ATP8A2: variants seen among roughly 807,000 people sequenced by gnomAD.
The protein encoded by ATP8A2 is phospholipid-transporting ATPase IB.
ATP8A2 carries 100 observed loss-of-function variants against 165.6 expected under a neutral mutation model. The observed-to-expected ratio is 0.60, with a 90% confidence interval of 0.51 to 0.71. The LOEUF (loss-of-function observed/expected upper bound fraction) is 0.71, where lower values mean the gene tolerates loss of function less well. ATP8A2 is among the 30% of genes least tolerant of loss of function. ATP8A2 has a pLI of 0.00. For missense variants in ATP8A2, 1,227 were observed against 1,479.5 expected, an observed-to-expected ratio of 0.83 and a Z score of 2.80; for synonymous variants, 543 against 548.8, an observed-to-expected ratio of 0.99 and a Z score of 0.15.
chr13:25,835,129 A>ACTGC (rs1442251863), intron 28 of ATP8A2, among the ~76,000 whole-genome samples: 1 of 152,010 alleles, frequency 6.6e-6, no homozygotes, highest in Non-Finnish European at 1.5e-5. Context: ...AAAGAAAAAG[A>ACTGC]CTGCCACGTA....
chr13:25,514,019 A>C (rs550361101), intron 2 of ATP8A2, among the ~76,000 whole-genome samples: 2 of 149,448 alleles, frequency 1.3e-5, no homozygotes, highest in South Asian at 4.3e-4. Flanking sequence ...GGAGAGGGAG[A>C]GGGAGAGGGA....
At chr13:25,637,531 C>T (rs1189286766) in intron 24 of ATP8A2, among the ~76,000 whole-genome samples, 2 of 152,154 alleles carry the variant, frequency 1.3e-5, no homozygotes, top group African/African-American at 2.4e-5. Context: ...AGTCTGAGAT[C>T]GAATTGCAAG....
At chr13:25,632,265 C>T (rs570502916) in intron 24 of ATP8A2, among the ~76,000 whole-genome samples, 13 of 152,136 alleles carry the variant, frequency 8.5e-5, no homozygotes, top group South Asian at 4.2e-4. Flanking sequence ...GGCTTCACCA[C>T]GTAGGCATGA....
intron 6 of ATP8A2, among the ~76,000 whole-genome samples, chr13:25,536,856 A>G (rs2038302032): frequency 6.6e-6 from 1 of 152,150 alleles, no homozygotes; most frequent in South Asian, 2.1e-4. Flanking sequence ...GACCTGTTTT[A>G]TGCCAGGTGC....
chr13:25,561,041 C>T (rs1473384555), intron 15 of ATP8A2, among the ~76,000 whole-genome samples: 2 of 151,932 alleles, frequency 1.3e-5, no homozygotes, highest in East Asian at 2.0e-4. Context: ...CGCCCACCAC[C>T]ACACCCAGCT....
intron 1 of ATP8A2, among the ~76,000 whole-genome samples, chr13:25,383,301 C>A (rs2032922856): frequency 6.6e-6 from 1 of 152,088 alleles, no homozygotes. Context: ...GACGGCGTTT[C>A]ACCATGTTGG....
At chr13:25,731,857 TCCACA>T (rs1346271387) in intron 25 of ATP8A2, among the ~76,000 whole-genome samples, 1 of 152,226 alleles carries the variant, frequency 6.6e-6, no homozygotes, top group African/African-American at 2.4e-5. Flanking sequence ...CTTGCTAACA[TCCACA>T]TTTATTTCAT....
At chr13:25,423,672 A>G (rs759567494) in intron 1 of ATP8A2, among the ~76,000 whole-genome samples, 2 of 152,202 alleles carry the variant, frequency 1.3e-5, no homozygotes, top group Non-Finnish European at 2.9e-5. Flanking sequence ...TTTAATTCTT[A>G]TAATTTGTGT....
rs752056051 is a variant in ATP8A2, at chr13:25,555,058, A to G, written c.1253A>G (p.Glu418Gly). 1.2e-6 allele frequency: 2 copies of G among 1,612,150 alleles called. No individual in the cohort carries two copies. The highest frequency in any genetic ancestry group is 2.2e-5 in the South Asian group (2 of 91,010). ...GCCAGGACATCAAACCTTAATGAAG[A>G]GCTTGGGCAGGTGAAAAAGCCTCTG... is the stretch of plus-strand genomic sequence containing the variant. ...AMARTSNLNEELGQVKYLFSD... is the reference protein window; with the variant it reads ...AMARTSNLNEGLGQVKYLFSD... Residue 418 changes from glutamate to glycine, a missense_variant, in exon 13 of 37, where the codon GAG (glutamate) becomes GGG (glycine). Glu to Gly is a moderately conservative substitution (Grantham distance 98, BLOSUM62 -2). This residue lies in a region of ATP8A2 where 592 missense variants were observed against 785.6 expected (regional missense o/e 0.75). Transcript: ENST00000381655.
At position 25,639,576 on chromosome 13, in the gene ATP8A2, A is replaced by G. The variant is rs551664150; in HGVS notation, c.2211+49877A>G. On this transcript the variant is annotated intron_variant, in intron 24 of 36. Coordinates refer to ENST00000381655, the MANE Select transcript of ATP8A2 (RefSeq NM_016529.6). ...AACTATCCTAAATATATATGCACCC[A>G]ATACAGGAGCACCCAGATTCATAAA... 8.5e-5 allele frequency among the ~76,000 whole-genome samples: 13 copies of G among 152,362 alleles called. No individual in the cohort carries two copies. In the South Asian group the frequency reaches 2.7e-3, roughly 32 times the overall value.
chr13:25,742,895 T>A (rs1469163899), intron 25 of ATP8A2, among the ~76,000 whole-genome samples: 1 of 152,084 alleles, frequency 6.6e-6, no homozygotes, highest in Non-Finnish European at 1.5e-5. Context: ...GGAGGTGCTC[T>A]TATAGCACAG....
chr13:25,583,027 CT>C (rs1387893734), intron 23 of ATP8A2, among the ~76,000 whole-genome samples: 1 of 152,144 alleles, frequency 6.6e-6, no homozygotes, highest in African/African-American at 2.4e-5. Flanking sequence ...GACTTTGTCC[CT>C]GGATTTGTGC....
intron 25 of ATP8A2, among the ~76,000 whole-genome samples, chr13:25,764,577 G>T (rs149407794): frequency 5.3e-5 from 8 of 152,188 alleles, no homozygotes; most frequent in African/African-American, 4.8e-5. Context: ...TTAGAAATGC[G>T]CATTCACAGG....
chr13:25,936,294 G>A lies in ATP8A2; in HGVS notation c.3184-25281G>A, dbSNP rs565299264. On this transcript the variant is annotated intron_variant, in intron 33 of 36. Transcript: ENST00000381655. Reference sequence around the variant, plus strand: ...ACGGCCAGTCCTTGCTGATTCCCACGTTGGTCAGCACTGGACACAGAACAG... The same window carrying A: ...ACGGCCAGTCCTTGCTGATTCCCACATTGGTCAGCACTGGACACAGAACAG... Among the ~76,000 whole-genome samples, 65 of 152,302 alleles carry A rather than the reference G, an allele frequency of 4.3e-4. 1 individual carries two copies. The highest frequency in any genetic ancestry group is 1.4e-3 in the African/African-American group (60 of 41,572).
chr13:25,417,263 T>C lies in ATP8A2; in HGVS notation c.76+44975T>C, dbSNP rs191052590. 2.0e-5 allele frequency among the ~76,000 whole-genome samples: 3 copies of C among 152,276 alleles called. No homozygotes were observed. The East Asian group carries it at 5.8e-4, about 29-fold the overall frequency. On this transcript the variant is annotated intron_variant, in intron 1 of 36. Coordinates refer to ENST00000381655, the MANE Select transcript of ATP8A2 (RefSeq NM_016529.6). ...TTCATTCATCTTCAGCCTGTTGGTG[T>C]AACTGAGTCCCCACCTTCTACAAAG...
chr13:25,413,717 T>A (rs74042951), intron 1 of ATP8A2, among the ~76,000 whole-genome samples: 5,370 of 152,258 alleles, frequency 0.035, 216 homozygotes, highest in African/African-American at 0.094. Context: ...GAAGGGTAAG[T>A]TACCAGCGAT....
At chr13:25,557,460 G>A (rs1048905090) in intron 13 of ATP8A2, among the ~76,000 whole-genome samples, 1 of 152,080 alleles carries the variant, frequency 6.6e-6, no homozygotes, top group Admixed American at 6.5e-5. Flanking sequence ...AGTTCTTGGT[G>A]CATATCAGGC....
chr13:25,899,364 C>T (rs1953666121), intron 33 of ATP8A2, among the ~76,000 whole-genome samples: 1 of 152,196 alleles, frequency 6.6e-6, no homozygotes, highest in Non-Finnish European at 1.5e-5. Context: ...ATTTAACCCC[C>T]TGCCTGGGTA....
rs1355389637 is a variant in ATP8A2 at position 26,021,722 on chromosome 13, G to A, written c.*1737G>A. 1.3e-5 allele frequency: 2 copies of A among 152,098 alleles called. No homozygotes were observed. Among genetic ancestry groups the A allele is most frequent in the Admixed American group, 6.5e-5 (1 of 15,272 alleles). The allele number at this position is 152,098 out of a possible 1,614,324, so 9.4% of individuals were successfully genotyped here. A position where few individuals can be genotyped will look rare whatever the true frequency, so the allele number is the denominator to read the frequency against. On this transcript the variant is annotated 3_prime_UTR_variant, in exon 37 of 37. Coordinates refer to ENST00000381655, the MANE Select transcript of ATP8A2 (RefSeq NM_016529.6). The stretch of plus-strand genomic sequence containing the variant: ...AAAATGGGAGTGGAGAGCATGTTTT[G>A]GATTTTCACTGTGGGGAAATGAATG...
Sources: gnomAD v4.1 joint callset for allele counts (sites outside exome capture counted in the v4.1 genomes callset) on GRCh38, gnomAD v4.1.1 for gene constraint, gnomAD v4.1.1 regional missense constraint, MANE v1.5 for transcripts, NCBI Gene and HGNC (gene_info 2026-07-23, HGNC 2026-07-21) for gene names.